FMO4: variants seen among roughly 807,000 people sequenced by gnomAD.
FMO4 encodes dimethylaniline monooxygenase [N-oxide-forming] 4.
FMO4 carries 38 observed loss-of-function variants against 43.3 expected under a neutral mutation model. The ratio of observed to expected loss-of-function variants is 0.88; its 90% CI spans 0.68 to 1.15. The LOEUF is 1.15. Ranked by LOEUF, FMO4 falls within the 50% of genes most tolerant of loss-of-function variation. The probability of loss-of-function intolerance (pLI) is 0.00; values close to 1 mark genes in which losing one functional copy is unlikely to be tolerated. For missense variants in FMO4, 631 were observed against 663.3 expected, an observed-to-expected ratio of 0.95 and a Z score of 0.54; for synonymous variants, 224 against 232.2, an observed-to-expected ratio of 0.96 and a Z score of 0.32.
intron 5 of FMO4, among the ~76,000 whole-genome samples, chr1:171,325,954 C>A (rs1662645667): frequency 7.2e-6 from 1 of 138,134 alleles, no homozygotes; most frequent in Admixed American, 7.4e-5. Flanking sequence ...CTGAAGCAAT[C>A]TTCCTGCCTC....
At chr1:171,321,550 C>A (rs765359519) in intron 3 of FMO4, among the ~76,000 whole-genome samples, 1 of 152,062 alleles carries the variant, frequency 6.6e-6, no homozygotes, top group Non-Finnish European at 1.5e-5. Flanking sequence ...GGAATAATCA[C>A]GAGGAAAGAA....
chr1:171,328,990 A>C (rs1269104748), intron 5 of FMO4, among the ~76,000 whole-genome samples: 2 of 152,174 alleles, frequency 1.3e-5, no homozygotes, highest in African/African-American at 2.4e-5. Flanking sequence ...GTGCAACTGT[A>C]TGTAATGTAA....
intron 5 of FMO4, among the ~76,000 whole-genome samples, chr1:171,329,471 A>AC (rs1343614436): frequency 6.6e-6 from 1 of 152,196 alleles, no homozygotes; most frequent in African/African-American, 2.4e-5. Flanking sequence ...CTGGTGTCAG[A>AC]CTGGCTCTCT....
chr1:171,335,898 G>T (rs1038575763), intron 8 of FMO4, among the ~76,000 whole-genome samples: 1 of 152,130 alleles, frequency 6.6e-6, no homozygotes, highest in African/African-American at 2.4e-5. Flanking sequence ...AACCACAGAA[G>T]ACTTAATTAA....
At chr1:171,325,280 T>C (rs1317423889) in intron 5 of FMO4, among the ~76,000 whole-genome samples, 3 of 152,302 alleles carry the variant, frequency 2.0e-5, no homozygotes, top group African/African-American at 7.2e-5. Context: ...AAACTGATTA[T>C]TTGAGAAGCC....
At chr1:171,321,743 C>G (rs1221505262) in intron 3 of FMO4, among the ~76,000 whole-genome samples, 4 of 152,086 alleles carry the variant, frequency 2.6e-5, no homozygotes, top group Non-Finnish European at 5.9e-5. Flanking sequence ...TTATCATGTC[C>G]TTCTGCCAGG....
chr1:171,323,140 A>G lies in FMO4; in HGVS notation c.269A>G (p.Tyr90Cys), dbSNP rs1340449588. The change falls in exon 4 of 10, where the codon TAT becomes TGT. Residue 90 changes from tyrosine to cysteine, a missense_variant. Tyr to Cys is a radical substitution (Grantham distance 194). Transcript: ENST00000367749. ...NFMNHEKFWD[Y>C]LQEFAEHFDL... is the part of the protein sequence containing the mutation. ...ATGAACCATGAAAAATTTTGGGACT[A>G]TCTCCAAGAATTTGCTGAGCACTTT... 13 of 1,613,696 alleles carry G rather than the reference A, an allele frequency of 8.1e-6. No individual in the cohort carries two copies. The highest frequency in any genetic ancestry group is 5.0e-5 in the Admixed American group (3 of 59,984).
chr1:171,325,054 A>G (rs1662600358), intron 5 of FMO4, among the ~76,000 whole-genome samples: 1 of 152,160 alleles, frequency 6.6e-6, no homozygotes, highest in Non-Finnish European at 1.5e-5. Flanking sequence ...GGTTGCAGTG[A>G]GCAAAGATCA....
intron 5 of FMO4, among the ~76,000 whole-genome samples, chr1:171,330,400 A>G (rs1662847176): frequency 6.6e-6 from 1 of 152,218 alleles, no homozygotes; most frequent in Non-Finnish European, 1.5e-5. Flanking sequence ...GTTTATGTGA[A>G]TCCATGGTTC....
intron 3 of FMO4, 136 bp from the exon 4 acceptor site, chr1:171,322,868 A>C (rs1662492546): frequency 1.6e-6 from 1 of 637,702 alleles, no homozygotes. Context: ...ATCAATCAAT[A>C]AAAGTAAATA....
chr1:171,332,615 C>A, intron 6 of FMO4, 94 bp from the exon 7 acceptor site: 1 of 1,002,646 alleles, frequency 1.0e-6, no homozygotes, highest in Non-Finnish European at 1.5e-6. Flanking sequence ...GTTAAAAGAC[C>A]AGACTGGAAT....
At position 171,337,378 on chromosome 1, in the gene FMO4, C is replaced by G; in HGVS notation, c.1203C>G (p.Ser401=). The G allele has an allele frequency of 3.7e-6, 6 of 1,612,150 alleles. No homozygotes were observed. The highest frequency in any genetic ancestry group is 5.1e-6 in the Non-Finnish European group (6 of 1,178,450). The change falls in exon 9 of 10, where the codon TCC becomes TCG. Residue 401 remains serine (S), a synonymous_variant. Coordinates refer to ENST00000367749, the MANE Select transcript of FMO4 (RefSeq NM_002022.3). The part of the protein sequence containing the change: ...VFKGLCKIPP[S]QKLMMEATEK... ...CAGGACTCTGTAAGATACCTCCATC[C>G]CAAAAATTGATGATGGAGGCTACTG...
At chr1:171,314,790 G>A (rs1662129055) in intron 1 of FMO4, among the ~76,000 whole-genome samples, 1 of 152,136 alleles carries the variant, frequency 6.6e-6, no homozygotes, top group Non-Finnish European at 1.5e-5. Context: ...CAAGAGCATG[G>A]TAGGATGATG....
rs536353315 is a variant in FMO4 at position 171,328,090 on chromosome 1, G to C, written c.485-3550G>C. Among the ~76,000 whole-genome samples the C allele has an allele frequency of 2.6e-5, 4 of 152,118 alleles. No homozygotes were observed. In the East Asian group the frequency reaches 5.9e-4, roughly 22 times the overall value. ...AGTTTTGCTCTTGTTCCCCAGGCTGGAGTTCGATGGCATGATCTCAGCTTG... is the reference window on the plus strand; with the variant it reads ...AGTTTTGCTCTTGTTCCCCAGGCTGCAGTTCGATGGCATGATCTCAGCTTG... On this transcript the variant is annotated intron_variant, in intron 5 of 9. Transcript: ENST00000367749.
intron 9 of FMO4, 115 bp from the exon 10 acceptor site, chr1:171,341,298 T>C: frequency 1.4e-6 from 1 of 728,970 alleles, no homozygotes; most frequent in Non-Finnish European, 2.2e-6. Flanking sequence ...CCAAATATGG[T>C]TTGATTTCCC....
In FMO4 at chr1:171,324,315, C is replaced by T. The variant is rs759129343; in HGVS notation, c.484+15C>T. The T allele has an allele frequency of 2.9e-5, 46 of 1,592,564 alleles. No homozygotes were observed. The South Asian group carries it at 4.3e-4, about 15-fold the overall frequency. On this transcript the variant is annotated intron_variant, in intron 5 of 9. Coordinates refer to ENST00000367749, the MANE Select transcript of FMO4 (RefSeq NM_002022.3). ...AGCCTTTCCTGGTGAGTCATTTCTACCTGAGACCATGCCTATGCTTCTGGG... is the reference window on the plus strand; with the variant it reads ...AGCCTTTCCTGGTGAGTCATTTCTATCTGAGACCATGCCTATGCTTCTGGG...
intron 2 of FMO4, among the ~76,000 whole-genome samples, chr1:171,318,779 T>C (rs1662293433): frequency 6.6e-6 from 1 of 152,188 alleles, no homozygotes; most frequent in South Asian, 2.1e-4. Flanking sequence ...TTATCAGTCA[T>C]TTAATCTTCA....
rs1338446961 is a variant in FMO4, at chr1:171,324,229, C to T, written c.413C>T (p.Ala138Val). Residue 138 changes from alanine (A) to valine (V), a missense_variant, in exon 5 of 10, where the codon GCT becomes GTT. Transcript: ENST00000367749. Reference sequence around the variant, plus strand: ...GAGACAGAGGGCAAGCAAAATAGAGCTGTCTTTGATGCTGTTATGGTTTGC... The same window carrying T: ...GAGACAGAGGGCAAGCAAAATAGAGTTGTCTTTGATGCTGTTATGGTTTGC... ...VTETEGKQNRAVFDAVMVCTG... is the reference protein window; with the variant it reads ...VTETEGKQNRVVFDAVMVCTG... The T allele has an allele frequency of 1.2e-6, 2 of 1,613,768 alleles. No homozygotes were observed. Among genetic ancestry groups the T allele is most frequent in the South Asian group, 2.2e-5 (2 of 91,046 alleles).
intron 8 of FMO4, among the ~76,000 whole-genome samples, chr1:171,336,662 G>A (rs1275510018): frequency 6.6e-6 from 1 of 152,078 alleles, no homozygotes; most frequent in Non-Finnish European, 1.5e-5. Flanking sequence ...GGAGTGCAGT[G>A]GCGTGATCAT....
Sources: allele counts gnomAD v4.1 joint callset (sites outside exome capture counted in the v4.1 genomes callset), GRCh38; gene constraint gnomAD v4.1.1; transcripts MANE v1.5; gene names NCBI Gene and HGNC (gene_info 2026-07-23, HGNC 2026-07-21).